EPHA6: variants seen among roughly 807,000 people sequenced by gnomAD.
The protein encoded by EPHA6 is EPH receptor A6.
In EPHA6, 50 loss-of-function variants were observed where a neutral mutation model predicts 112.0. The observed-to-expected ratio is 0.45, with a 90% CI of 0.36 to 0.56. The LOEUF (loss-of-function observed/expected upper bound fraction) is 0.56. Among genes scored for constraint, EPHA6 ranks in the 20% least tolerant of loss-of-function variants. The pLI, the probability that EPHA6 is intolerant of heterozygous loss-of-function variation, is 0.00. For synonymous variants in EPHA6, 529 were observed against 490.7 expected (o/e 1.08, Z -1.03); for missense variants, 1,280 against 1,417.4 (o/e 0.90, Z 1.56).
chr3:97,624,230 T>G (rs1057259060), intron 13 of EPHA6, among the ~76,000 whole-genome samples: 8 of 151,806 alleles, frequency 5.3e-5, no homozygotes, highest in African/African-American at 1.9e-4. Context: ...CCTAGCTTGT[T>G]GAGTGTTTTT....
intron 3 of EPHA6, among the ~76,000 whole-genome samples, chr3:97,142,854 G>C (rs1344082982): frequency 6.6e-6 from 1 of 151,824 alleles, no homozygotes; most frequent in Admixed American, 6.6e-5. Context: ...AGCCATCTAT[G>C]ATGAACTCAC....
chr3:96,942,260 C>T (rs1441573219), intron 2 of EPHA6, among the ~76,000 whole-genome samples: 1 of 152,198 alleles, frequency 6.6e-6, no homozygotes, highest in Non-Finnish European at 1.5e-5. Context: ...TGGTGGGCTC[C>T]ACCCAGTTCC....
intron 2 of EPHA6, among the ~76,000 whole-genome samples, chr3:96,888,131 G>A (rs2037741614): frequency 6.6e-6 from 1 of 152,070 alleles, no homozygotes; most frequent in African/African-American, 2.4e-5. Flanking sequence ...CATTTAGATT[G>A]CTAGAAGGTT....
intron 5 of EPHA6, among the ~76,000 whole-genome samples, chr3:97,362,618 T>C (rs1035839134): frequency 2.0e-5 from 3 of 152,070 alleles, no homozygotes; most frequent in African/African-American, 7.2e-5. Context: ...CTTAATATAT[T>C]GTGTTAATGT....
chr3:97,239,463 G>A (rs1044306625), intron 4 of EPHA6, among the ~76,000 whole-genome samples: 5 of 151,796 alleles, frequency 3.3e-5, no homozygotes, highest in African/African-American at 9.7e-5. Flanking sequence ...ATAGCCTACT[G>A]TTGAACAGAA....
At chr3:97,163,473 A>C (rs1333210760) in intron 3 of EPHA6, among the ~76,000 whole-genome samples, 1 of 152,134 alleles carries the variant, frequency 6.6e-6, no homozygotes, top group African/African-American at 2.4e-5. Flanking sequence ...TCATTCCCAC[A>C]CATGTTTCCA....
chr3:96,938,708 C>T (rs1055227470), intron 2 of EPHA6, among the ~76,000 whole-genome samples: 9 of 151,460 alleles, frequency 5.9e-5, no homozygotes, highest in African/African-American at 2.2e-4. Context: ...GGAATGCTTC[C>T]AGTTTTTGCC....
At position 97,570,624 on chromosome 3, in the gene EPHA6, G is replaced by A. The variant is rs184215892; in HGVS notation, c.2387-21988G>A. Among the ~76,000 whole-genome samples the A allele has an allele frequency of 4.5e-3, 690 of 152,070 alleles. 6 individuals are homozygous for A. Among genetic ancestry groups the A allele is most frequent in the Non-Finnish European group, 7.6e-3 (517 of 67,988 alleles). On this transcript the variant is annotated intron_variant, in intron 11 of 17. Coordinates refer to ENST00000389672, the MANE Select transcript of EPHA6 (RefSeq NM_001080448.3). ...AGGCACCTGTAATCCCAGCTACTCT[G>A]GAGGCTGAGGCAGATAATTGCTTGA...
At chr3:97,713,903 T>C (rs899797288) in intron 14 of EPHA6, among the ~76,000 whole-genome samples, 3 of 152,186 alleles carry the variant, frequency 2.0e-5, no homozygotes, top group African/African-American at 7.2e-5. Context: ...GCAATTTGTC[T>C]CCAGTCTTGG....
rs185629574 is a variant in EPHA6 at position 97,544,482 on chromosome 3, G to T, written c.2386+11939G>T. 4.3e-4 allele frequency among the ~76,000 whole-genome samples: 65 copies of T among 152,314 alleles called. 1 individual carries two copies. The highest frequency in any genetic ancestry group is 6.9e-4 in the Non-Finnish European group (47 of 68,034). On this transcript the variant is annotated intron_variant, in intron 11 of 17. Transcript: ENST00000389672. ...GGATAAGCTTTCTGATGTGCTGCTGGATTCGGTTTGCCAGTATTTTACTGA... is the reference window on the plus strand; with the variant it reads ...GGATAAGCTTTCTGATGTGCTGCTGTATTCGGTTTGCCAGTATTTTACTGA...
At chr3:97,232,577 C>T (rs534575169) in intron 4 of EPHA6, among the ~76,000 whole-genome samples, 3 of 152,254 alleles carry the variant, frequency 2.0e-5, no homozygotes, top group Middle Eastern at 3.4e-3. Flanking sequence ...AGGCCTGCAG[C>T]GACTTGATTC....
chr3:97,061,616 G>A (rs2046023453), intron 3 of EPHA6, among the ~76,000 whole-genome samples: 1 of 152,166 alleles, frequency 6.6e-6, no homozygotes. Context: ...AATAAACTCG[G>A]GAAATAGGGG....
intron 5 of EPHA6, among the ~76,000 whole-genome samples, chr3:97,291,100 T>A (rs545803383): frequency 6.6e-6 from 1 of 152,316 alleles, no homozygotes; most frequent in South Asian, 2.1e-4. Context: ...AGATGCTTTT[T>A]TTTAAATTTC....
At chr3:97,612,846 T>G (rs553723193) in intron 13 of EPHA6, among the ~76,000 whole-genome samples, 1 of 152,178 alleles carries the variant, frequency 6.6e-6, no homozygotes, top group Non-Finnish European at 1.5e-5. Flanking sequence ...TTATAAAGAT[T>G]GATTGTTGTA....
intron 14 of EPHA6, among the ~76,000 whole-genome samples, chr3:97,648,090 T>C (rs1349554743): frequency 6.6e-6 from 1 of 152,172 alleles, no homozygotes; most frequent in Non-Finnish European, 1.5e-5. Flanking sequence ...TCGTTAAAAA[T>C]TTTATGAGTC....
rs889645677 is a variant in EPHA6 at position 96,862,608 on chromosome 3, A to G, written c.386-4217A>G. The stretch of plus-strand genomic sequence containing the variant: ...CTTCCTTGTGTAATTTTTCAAAGTG[A>G]TATATGAATAAAATCTCATCCTTTT... On this transcript the variant is annotated intron_variant, in intron 1 of 17. Transcript: ENST00000389672. Among the ~76,000 whole-genome samples, 5 of 152,000 alleles carry G rather than the reference A, an allele frequency of 3.3e-5. No homozygotes were observed. The East Asian group carries it at 5.8e-4, about 18-fold the overall frequency.
Position 97,244,303 on chromosome 3 carries a change from G to A in EPHA6, c.1606+16G>A, listed in dbSNP as rs756680143. 123 of 1,607,782 alleles carry A rather than the reference G, an allele frequency of 7.7e-5. No homozygotes were observed. The highest frequency in any genetic ancestry group is 1.0e-4 in the Non-Finnish European group (118 of 1,175,190). On this transcript the variant is annotated intron_variant, in intron 5 of 17. Coordinates refer to ENST00000389672, the MANE Select transcript of EPHA6 (RefSeq NM_001080448.3). Reference sequence around the variant, plus strand: ...GATCAAGATGGTAAGTTCCACTGCTGTTCTCTCAAAACAGACCCATAATTT... The same window carrying A: ...GATCAAGATGGTAAGTTCCACTGCTATTCTCTCAAAACAGACCCATAATTT...
intron 11 of EPHA6, among the ~76,000 whole-genome samples, chr3:97,584,883 A>G (rs987249294): frequency 2.6e-5 from 4 of 152,222 alleles, no homozygotes; most frequent in Non-Finnish European, 5.9e-5. Context: ...TCCACTTTTC[A>G]AATGAGAAAA....
chr3:97,021,369 A>G (rs928055654), intron 3 of EPHA6, among the ~76,000 whole-genome samples: 1 of 151,972 alleles, frequency 6.6e-6, no homozygotes, highest in African/African-American at 2.4e-5. Context: ...CTACACCTTC[A>G]TCTCCAACAT....
Sources: gnomAD v4.1 joint callset for allele counts (sites outside exome capture counted in the v4.1 genomes callset) on GRCh38, gnomAD v4.1.1 for gene constraint, MANE v1.5 for transcripts, NCBI Gene and HGNC (gene_info 2026-07-23, HGNC 2026-07-21) for gene names.